ADCK2: variants seen among roughly 807,000 people sequenced by gnomAD.
The protein encoded by ADCK2 is uncharacterized aarF domain-containing protein kinase 2.
Under a neutral mutation model 52.3 loss-of-function variants are expected in ADCK2, and 37 were observed. The observed-to-expected ratio is 0.71, with a 90% CI of 0.54 to 0.93. ADCK2 has a LOEUF of 0.93. ADCK2 is among the 40% of genes least tolerant of loss of function. The pLI is 0.00. For missense variants in ADCK2, 695 were observed against 798.7 expected (o/e 0.87, Z 1.56); for synonymous variants, 321 against 349.2 (o/e 0.92, Z 0.90).
intron 5 of ADCK2, among the ~76,000 whole-genome samples, chr7:140,689,031 G>A (rs1794657849): frequency 6.6e-6 from 1 of 151,370 alleles, no homozygotes. Context: ...GCAGTGGTAC[G>A]ATCTCAGCTC....
intron 2 of ADCK2, among the ~76,000 whole-genome samples, chr7:140,676,512 C>T (rs1252941097): frequency 6.6e-5 from 10 of 152,188 alleles, no homozygotes; most frequent in East Asian, 1.9e-4. Flanking sequence ...GTTCCCCTTG[C>T]GGAAGTCTGA....
At chr7:140,685,050 G>C (rs1049563612) in intron 4 of ADCK2, among the ~76,000 whole-genome samples, 5 of 151,846 alleles carry the variant, frequency 3.3e-5, no homozygotes, top group Non-Finnish European at 7.4e-5. Flanking sequence ...GGGCAGAGCT[G>C]AGGGCAAGGT....
At position 140,693,083 on chromosome 7, in the gene ADCK2, G is replaced by T. The variant is rs140303804; in HGVS notation, c.1741-1580G>T. Among the ~76,000 whole-genome samples the T allele has an allele frequency of 1.5e-3, 221 of 152,246 alleles. 2 individuals are homozygous for T. The highest frequency in any genetic ancestry group is 4.9e-3 in the African/African-American group (202 of 41,530). ...CATTTCTCTACTGATTCATGATGTT[G>T]AACATCTTTTCATATGCCAATTGGC... On this transcript the variant is annotated intron_variant, in intron 7 of 7. Transcript: ENST00000072869. This position sits in a 1 kb window ranked among gnomAD's most constrained non-coding sequence, Gnocchi z 4.0.
Position 140,689,273 on chromosome 7 carries a change from TAAA to T in ADCK2, c.1558-317_1558-315del, listed in dbSNP as rs1238409744. Among the ~76,000 whole-genome samples the T allele has an allele frequency of 2.0e-5, 3 of 152,068 alleles. No homozygotes were observed. The South Asian group carries it at 6.2e-4, about 32-fold the overall frequency. On this transcript the variant is annotated intron_variant, in intron 5 of 7. Transcript: ENST00000072869. ...GTGAGCCACTGCATCTGGCTCTTTT[TAAA>T]AAAAAATTTTTTTTTTTTAAACAGC... is the stretch of plus-strand genomic sequence containing the variant.
chr7:140,687,896 G>A (rs1386914378), intron 5 of ADCK2, among the ~76,000 whole-genome samples: 2 of 146,134 alleles, frequency 1.4e-5, no homozygotes, highest in African/African-American at 2.5e-5. Context: ...TTTTTTTAAA[G>A]TTTCAAAAAA....
rs777236587 is a variant in ADCK2 at position 140,674,598 on chromosome 7, C to T, written c.934-13C>T. ...GCAGGTTTCTCCTGTCTCACGGTTC[C>T]TCTTTCTGACAGGTGTTGCACCCTG... On this transcript the variant is annotated splice_polypyrimidine_tract_variant and intron_variant, in intron 1 of 7. Transcript: ENST00000072869. The surrounding 1 kb of genome is among the most constrained non-coding windows in gnomAD (Gnocchi z 4.6). The T allele has an allele frequency of 6.2e-7, 1 of 1,602,476 alleles. No individual in the cohort carries two copies. The highest frequency in any genetic ancestry group is 2.2e-5 in the East Asian group (1 of 44,538).
chr7:140,674,642 A>G lies in ADCK2; in HGVS notation c.965A>G (p.His322Arg). 1.2e-6 allele frequency: 2 copies of G among 1,614,084 alleles called. No individual in the cohort carries two copies. Among genetic ancestry groups the G allele is most frequent in the Non-Finnish European group, 1.7e-6 (2 of 1,180,010 alleles). ...VLHPGLLAQV[H>R]MDLLLMKIGS... ...CACCCTGGCCTGCTCGCTCAGGTGC[A>G]TATGGACCTGCTGCTGATGAAGATT... is the stretch of plus-strand genomic sequence containing the variant. The change falls in exon 2 of 8, where the codon CAT (histidine) becomes CGT (arginine). Residue 322 changes from histidine to arginine, a missense_variant. Physicochemically the swap from His to Arg is conservative, Grantham distance 29. Coordinates refer to ENST00000072869, the MANE Select transcript of ADCK2 (RefSeq NM_052853.4). The surrounding 1 kb of genome is among the most constrained non-coding windows in gnomAD (Gnocchi z 4.6).
intron 4 of ADCK2, among the ~76,000 whole-genome samples, chr7:140,683,107 C>A (rs1488474718): frequency 6.6e-6 from 1 of 151,612 alleles, no homozygotes; most frequent in African/African-American, 2.4e-5. Context: ...TCGAGACCAT[C>A]CTGGCCAACA....
intron 6 of ADCK2, 113 bp from the exon 7 acceptor site, chr7:140,690,647 G>T (rs557499730): frequency 1.1e-6 from 1 of 906,690 alleles, no homozygotes; most frequent in South Asian, 1.6e-5. Flanking sequence ...GTGTATGTGT[G>T]CCCTGGCGGG....
In ADCK2 at chr7:140,674,835, T is replaced by A. The variant is rs1444883897; in HGVS notation, c.1080+78T>A. 4.0e-6 allele frequency: 6 copies of A among 1,493,716 alleles called. No homozygotes were observed. Among genetic ancestry groups the A allele is most frequent in the Admixed American group, 2.1e-5 (1 of 48,316 alleles). 92.5% of individuals were successfully genotyped at this position (1,493,716 alleles called of 1,614,324 possible). ...TAGCTGCTACTTAGTAAATGTTGAA[T>A]GAATAATTTTCTGGTATGTCATAAC... is the stretch of plus-strand genomic sequence containing the variant. On this transcript the variant is annotated intron_variant, in intron 2 of 7. Coordinates refer to ENST00000072869, the MANE Select transcript of ADCK2 (RefSeq NM_052853.4). This position sits in a 1 kb window ranked among gnomAD's most constrained non-coding sequence, Gnocchi z 4.6.
rs374452342 is a variant in ADCK2 at position 140,673,426 on chromosome 7, G to A, written c.96G>A (p.Glu32=). The A allele has an allele frequency of 6.2e-6, 10 of 1,602,838 alleles. No individual in the cohort carries two copies. The East Asian group carries it at 1.6e-4, about 25-fold the overall frequency. The change falls in exon 1 of 8, where the codon GAG becomes GAA. Residue 32 remains glutamate (E), a synonymous_variant. Transcript: ENST00000072869. The surrounding 1 kb of genome is among the most constrained non-coding windows in gnomAD (Gnocchi z 6.4). ...GACTCAGCCTCCTGAGGCCCTCCGA[G>A]TGCCCTCGCGATGCCAGGCTCTGCT... The part of the protein sequence containing the change: ...RQGLSLLRPS[E]CPRDARLCWL...
intron 4 of ADCK2, among the ~76,000 whole-genome samples, chr7:140,682,418 A>G (rs1367431619): frequency 6.6e-6 from 1 of 152,100 alleles, no homozygotes; most frequent in Non-Finnish European, 1.5e-5. Context: ...GAAAGCACTT[A>G]GTATGGCTTG....
chr7:140,673,219 TG>T lies in ADCK2; in HGVS notation c.-109del. 1 of 916,464 alleles carries T rather than the reference TG, an allele frequency of 1.1e-6. No individual in the cohort carries two copies. Among genetic ancestry groups the T allele is most frequent in the Non-Finnish European group, 1.5e-6 (1 of 674,366 alleles). 56.8% of individuals were successfully genotyped at this position (916,464 alleles called of 1,614,324 possible). A position where few individuals can be genotyped will look rare whatever the true frequency, so the allele number is the denominator to read the frequency against. ...GAGCGGGGCGCGGATCCGGCCCAGA[TG>T]GGCAGCTCCGTCCGCGGGGTCAGGG... is the stretch of plus-strand genomic sequence containing the variant. On this transcript the variant is annotated 5_prime_UTR_variant, in exon 1 of 8. The change abolishes the stop of an existing upstream ORF in the 5' untranslated region. Transcript: ENST00000072869. The surrounding 1 kb of genome is among the most constrained non-coding windows in gnomAD (Gnocchi z 6.4).
rs527563445 is a variant in ADCK2 at position 140,687,204 on chromosome 7, A to T, written c.1520A>T (p.Asn507Ile). The T allele has an allele frequency of 2.8e-4, 443 of 1,581,574 alleles. 9 individuals carry two copies. The South Asian group carries it at 4.5e-3, about 16-fold the overall frequency. ...GAGCTGCAGGCCCCTGACCTGAGGAATTTCCGGGCAGTTTTCATGGCTGTG... is the reference window on the plus strand; with the variant it reads ...GAGCTGCAGGCCCCTGACCTGAGGATTTTCCGGGCAGTTTTCATGGCTGTG... ...VAELQAPDLR[N>I]FRAVFMAVVM... The change falls in exon 5 of 8, where the codon AAT (asparagine) becomes ATT (isoleucine). Residue 507 changes from asparagine (N) to isoleucine (I), a missense_variant. Physicochemically the swap from Asn to Ile is moderately radical, Grantham distance 149. Transcript: ENST00000072869.
Position 140,673,581 on chromosome 7 carries a change from T to G in ADCK2, c.251T>G (p.Leu84Arg), listed in dbSNP as rs140313292. ...GAAGAGPAES[L>R]PRAGPLGGVF... The stretch of plus-strand genomic sequence containing the variant: ...GCTGGCGCGGGGCCCGCGGAGAGCC[T>G]CCCCCGAGCGGGACCTCTGGGCGGC... The change falls in exon 1 of 8, where the codon CTC becomes CGC. Residue 84 changes from leucine to arginine, a missense_variant. By Grantham distance (102) the Leu-to-Arg change is moderately radical. Transcript: ENST00000072869. The surrounding 1 kb of genome is among the most constrained non-coding windows in gnomAD (Gnocchi z 6.4). The G allele has an allele frequency of 5.6e-6, 9 of 1,603,830 alleles. No individual in the cohort carries two copies. In the African/African-American group the frequency reaches 8.0e-5, roughly 14 times the overall value.
In ADCK2 at chr7:140,677,021, TCAAACAAA is replaced by T. The variant is rs113170613; in HGVS notation, c.1081-2105_1081-2098del. On this transcript the variant is annotated intron_variant, in intron 2 of 7. Coordinates refer to ENST00000072869, the MANE Select transcript of ADCK2 (RefSeq NM_052853.4). ...CTGGGTGACAGAGTGAGATCCCATC[TCAAACAAA>T]CAAACAAACAAACAAACAAACAAAC... 3.9e-3 allele frequency among the ~76,000 whole-genome samples: 589 copies of T among 150,084 alleles called. 4 individuals carry two copies. The highest frequency in any genetic ancestry group is 0.02 in the South Asian group (96 of 4,704).
In ADCK2 at chr7:140,686,976, TG is replaced by T; in HGVS notation, c.1306-13del. The T allele has an allele frequency of 6.2e-7, 1 of 1,609,810 alleles. No homozygotes were observed. Among genetic ancestry groups the T allele is most frequent in the Non-Finnish European group, 8.5e-7 (1 of 1,176,286 alleles). The stretch of plus-strand genomic sequence containing the variant: ...AGGGGCGACTCACTCATGAGCATTG[TG>T]ATCTCCTTCCAGATATTTGTGGATA... On this transcript the variant is annotated splice_polypyrimidine_tract_variant and intron_variant, in intron 4 of 7. Transcript: ENST00000072869.
At position 140,674,549 on chromosome 7, in the gene ADCK2, C is replaced by A; in HGVS notation, c.934-62C>A. Reference sequence around the variant, plus strand: ...CTCTTGCTTGGATGGTGGGACCCAGCCCTGGCTGGGTAAAATGTGTCCAGC... The same window carrying A: ...CTCTTGCTTGGATGGTGGGACCCAGACCTGGCTGGGTAAAATGTGTCCAGC... On this transcript the variant is annotated intron_variant, in intron 1 of 7. Coordinates refer to ENST00000072869, the MANE Select transcript of ADCK2 (RefSeq NM_052853.4). This position sits in a 1 kb window ranked among gnomAD's most constrained non-coding sequence, Gnocchi z 4.6. The A allele has an allele frequency of 6.4e-7, 1 of 1,564,194 alleles. No homozygotes were observed. Among genetic ancestry groups the A allele is most frequent in the Non-Finnish European group, 8.7e-7 (1 of 1,152,532 alleles).
rs187702953 is a variant in ADCK2, at chr7:140,690,722, C to G, written c.1687-38C>G. 7.0e-4 allele frequency: 1,126 copies of G among 1,605,622 alleles called. 8 individuals carry two copies. In the African/African-American group the frequency reaches 0.013, roughly 19 times the overall value. On this transcript the variant is annotated intron_variant, in intron 6 of 7. Coordinates refer to ENST00000072869, the MANE Select transcript of ADCK2 (RefSeq NM_052853.4). ...GTGGGAAATGAGCGGTTCTGGAAGG[C>G]TCGGTGGTCTGCATTAGCCTTTATT...
Sources: gnomAD v4.1 joint callset for allele counts (sites outside exome capture counted in the v4.1 genomes callset) on GRCh38, gnomAD v4.1.1 for gene constraint, Gnocchi (gnomAD v3.1) non-coding constraint, MANE v1.5 for transcripts, NCBI Gene and HGNC (gene_info 2026-07-23, HGNC 2026-07-21) for gene names.